The following SETBP1 variants were observed in gnomAD, a reference collection of about 807,000 sequenced individuals.
SETBP1 encodes SET-binding protein.
In SETBP1, 9 loss-of-function variants were observed where a neutral mutation model predicts 101.0. The ratio of observed to expected loss-of-function variants is 0.09; its 90% confidence interval spans 0.05 to 0.16. The LOEUF (loss-of-function observed/expected upper bound fraction) is 0.16, where lower values mean the gene tolerates loss of function less well. Among genes scored for constraint, SETBP1 ranks in the 10% least tolerant of loss-of-function variants. SETBP1 has a pLI of 1.00. For synonymous variants in SETBP1, 818 were observed against 788.5 expected, an observed-to-expected ratio of 1.04 and a Z score of -0.63; for missense variants, 1,858 against 2,033.8, an observed-to-expected ratio of 0.91 and a Z score of 1.66.
At chr18:44,968,614 A>G (rs2071773987) in intron 4 of SETBP1, among the ~76,000 whole-genome samples, 2 of 152,238 alleles carry the variant, frequency 1.3e-5, no homozygotes, top group South Asian at 2.1e-4. Flanking sequence ...TCTTATGCTG[A>G]TTAGTATGGC....
At chr18:44,862,382 C>A (rs1235583331) in intron 2 of SETBP1, among the ~76,000 whole-genome samples, 1 of 152,102 alleles carries the variant, frequency 6.6e-6, no homozygotes, top group Non-Finnish European at 1.5e-5. Context: ...TCAGGTTTAA[C>A]CTTTAAAATT....
rs2073997079 is a variant in SETBP1, at chr18:45,068,464, CAT to C, written c.*4769_*4770del. ...TTAAAAAAAAAAAGTTAATCCTATT[CAT>C]ATGTTATTCATTGTGTGAAATTAAA... On this transcript the variant is annotated 3_prime_UTR_variant, in exon 6 of 6. Coordinates refer to ENST00000649279, the MANE Select transcript of SETBP1 (RefSeq NM_015559.3). The C allele has an allele frequency of 6.6e-6, 1 of 151,994 alleles. No individual in the cohort carries two copies. Among genetic ancestry groups the C allele is most frequent in the African/African-American group, 2.4e-5 (1 of 41,376 alleles). The allele number at this position is 151,994 out of a possible 1,614,324, so 9.4% of individuals were successfully genotyped here. A position where few individuals can be genotyped will look rare whatever the true frequency, so the allele number is the denominator to read the frequency against.
At chr18:44,974,123 A>C (rs969243410) in intron 4 of SETBP1, among the ~76,000 whole-genome samples, 7 of 152,352 alleles carry the variant, frequency 4.6e-5, no homozygotes, top group African/African-American at 1.4e-4. Context: ...ATGAATATAA[A>C]ATTATTTGAT....
intron 4 of SETBP1, among the ~76,000 whole-genome samples, chr18:44,983,742 C>T (rs1009485661): frequency 3.3e-5 from 5 of 152,186 alleles, no homozygotes; most frequent in Non-Finnish European, 5.9e-5. Flanking sequence ...CTTGCCACTC[C>T]ATTCCTTTGG....
intron 2 of SETBP1, among the ~76,000 whole-genome samples, chr18:44,721,862 A>C (rs78145993): frequency 6.6e-6 from 1 of 152,224 alleles, no homozygotes; most frequent in Non-Finnish European, 1.5e-5. Flanking sequence ...GTTAGTGTCC[A>C]TTGTAAGCAG....
intron 2 of SETBP1, among the ~76,000 whole-genome samples, chr18:44,804,004 A>G (rs1345928494): frequency 6.6e-6 from 1 of 152,126 alleles, no homozygotes; most frequent in Non-Finnish European, 1.5e-5. Context: ...TCTTTTGGCT[A>G]ATTAGTTATC....
chr18:45,056,210 G>A (rs1295563322), intron 5 of SETBP1, among the ~76,000 whole-genome samples: 2 of 152,194 alleles, frequency 1.3e-5, no homozygotes, highest in Non-Finnish European at 2.9e-5. Context: ...TATTGTATGG[G>A]TCTTCTTCAT....
At chr18:44,684,677 G>T (rs572003151) in intron 1 of SETBP1, among the ~76,000 whole-genome samples, 3 of 150,190 alleles carry the variant, frequency 2.0e-5, no homozygotes, top group African/African-American at 4.9e-5. Context: ...ACAGAGTCTC[G>T]CTCTTGTTGC....
intron 4 of SETBP1, among the ~76,000 whole-genome samples, chr18:44,953,979 G>C (rs1167187057): frequency 6.6e-6 from 1 of 152,136 alleles, no homozygotes; most frequent in East Asian, 1.9e-4. Context: ...TCATTTTCGT[G>C]CACTAAGTGG....
intron 2 of SETBP1, among the ~76,000 whole-genome samples, chr18:44,761,019 A>G (rs895620815): frequency 3.9e-5 from 6 of 152,222 alleles, no homozygotes; most frequent in Non-Finnish European, 7.3e-5. Context: ...ATTTGTATCT[A>G]CTGTGTACCA....
chr18:44,729,396 A>T (rs1599042222), intron 2 of SETBP1, among the ~76,000 whole-genome samples: 1 of 152,256 alleles, frequency 6.6e-6, no homozygotes, highest in Admixed American at 6.5e-5. Context: ...ATGGTGACAG[A>T]GACAGCATCA....
chr18:44,982,360 G>T (rs933022923), intron 4 of SETBP1, among the ~76,000 whole-genome samples: 1 of 152,206 alleles, frequency 6.6e-6, no homozygotes, highest in Non-Finnish European at 1.5e-5. Context: ...GCCTCAGGGG[G>T]CCAGAGCCAG....
At chr18:44,721,748 A>C (rs527414163) in intron 2 of SETBP1, among the ~76,000 whole-genome samples, 58 of 152,332 alleles carry the variant, frequency 3.8e-4, no homozygotes, top group African/African-American at 1.4e-3. Context: ...TGTGTTGAAA[A>C]GGAACAAGAA....
intron 5 of SETBP1, among the ~76,000 whole-genome samples, chr18:45,051,970 C>T (rs1014563659): frequency 6.6e-6 from 1 of 152,198 alleles, no homozygotes; most frequent in African/African-American, 2.4e-5. Context: ...CCTTTCATGC[C>T]TCAAACACAG....
intron 3 of SETBP1, among the ~76,000 whole-genome samples, chr18:44,916,937 A>G (rs890264201): frequency 1.3e-5 from 2 of 152,192 alleles, no homozygotes; most frequent in African/African-American, 4.8e-5. Flanking sequence ...GGTAACACAG[A>G]TTTTGCCAAA....
At chr18:44,916,165 G>A (rs1355963874) in intron 3 of SETBP1, among the ~76,000 whole-genome samples, 6 of 152,194 alleles carry the variant, frequency 3.9e-5, no homozygotes, top group Non-Finnish European at 8.8e-5. Context: ...GGAGGAGATT[G>A]CAGTGAGCCG....
At chr18:44,740,278 T>TACGCTAATG (rs2070066874) in intron 2 of SETBP1, among the ~76,000 whole-genome samples, 1 of 152,162 alleles carries the variant, frequency 6.6e-6, no homozygotes, top group East Asian at 1.9e-4. Flanking sequence ...ATTTTACCTT[T>TACGCTAATG]ACGCTAATGA....
intron 1 of SETBP1, among the ~76,000 whole-genome samples, chr18:44,695,496 A>G (rs2068999667): frequency 6.6e-6 from 1 of 152,256 alleles, no homozygotes; most frequent in South Asian, 2.1e-4. Flanking sequence ...TCATTAGTTT[A>G]AATGCTGAAA....
At chr18:45,006,800 A>G (rs2072737996) in intron 4 of SETBP1, among the ~76,000 whole-genome samples, 1 of 152,124 alleles carries the variant, frequency 6.6e-6, no homozygotes, top group African/African-American at 2.4e-5. Flanking sequence ...TTTTAGGGGG[A>G]CACAATTCAA....
Sources: gnomAD v4.1 joint callset for allele counts (sites outside exome capture counted in the v4.1 genomes callset) on GRCh38, gnomAD v4.1.1 for gene constraint, MANE v1.5 for transcripts, NCBI Gene and HGNC (gene_info 2026-07-23, HGNC 2026-07-21) for gene names.